MVB12B: variants seen among roughly 807,000 people sequenced by gnomAD.
The protein encoded by MVB12B is multivesicular body subunit 12B, also known as ESCRT-I complex subunit MVB12B.
A neutral mutation model predicts 41.6 loss-of-function variants in MVB12B; 16 were observed. The ratio of observed to expected loss-of-function variants is 0.38; its 90% confidence interval spans 0.26 to 0.58. The LOEUF (loss-of-function observed/expected upper bound fraction) is 0.58, where lower values mean the gene tolerates loss of function less well. Ranked by LOEUF, MVB12B falls within the 20% of genes least tolerant of loss-of-function variation. The pLI is 0.62. For missense variants in MVB12B, 274 were observed against 380.2 expected, an observed-to-expected ratio of 0.72 and a Z score of 2.32; for synonymous variants, 133 against 139.7, an observed-to-expected ratio of 0.95 and a Z score of 0.34.
Position 126,395,890 on chromosome 9 carries a change from T to C in MVB12B, c.662+193T>C. 2.1e-6 allele frequency: 3 copies of C among 1,406,100 alleles called. No individual in the cohort carries two copies. Among genetic ancestry groups the C allele is most frequent in the Non-Finnish European group, 1.8e-6 (2 of 1,083,332 alleles). 87.1% of individuals were successfully genotyped at this position (1,406,100 alleles called of 1,614,324 possible). A position where few individuals can be genotyped will look rare whatever the true frequency, so the allele number is the denominator to read the frequency against. On this transcript the variant is annotated intron_variant, in intron 6 of 9. Coordinates refer to ENST00000361171, the MANE Select transcript of MVB12B (RefSeq NM_033446.3). The surrounding 1 kb of genome is among the most constrained non-coding windows in gnomAD (Gnocchi z 4.9). ...TTGCATTACATGAATGCAAAGGCCA[T>C]TCTATAGTCTATTTTGTGCGTGTTC...
chr9:126,347,177 T>G (rs1829616239), intron 2 of MVB12B, among the ~76,000 whole-genome samples: 1 of 152,164 alleles, frequency 6.6e-6, no homozygotes, highest in African/African-American at 2.4e-5. Flanking sequence ...GCAGGGCCCT[T>G]GAGGGGGCAG....
intron 2 of MVB12B, among the ~76,000 whole-genome samples, chr9:126,373,753 T>C (rs1355030451): frequency 6.6e-6 from 1 of 152,234 alleles, no homozygotes; most frequent in Admixed American, 6.5e-5. Flanking sequence ...GCTTCTCAAG[T>C]TTAAATCCAG....
At chr9:126,347,866 C>G (rs947209643) in intron 2 of MVB12B, among the ~76,000 whole-genome samples, 1 of 152,196 alleles carries the variant, frequency 6.6e-6, no homozygotes. Context: ...TTCAGAAAGC[C>G]GAAGCTGTGG....
chr9:126,354,739 CAT>C (rs764406715), intron 2 of MVB12B, among the ~76,000 whole-genome samples: 1 of 152,064 alleles, frequency 6.6e-6, no homozygotes, highest in Non-Finnish European at 1.5e-5. Context: ...GGGAAGCAAA[CAT>C]AGTAATGTTA....
At chr9:126,451,951 C>T (rs148114659) in intron 7 of MVB12B, among the ~76,000 whole-genome samples, 60 of 152,250 alleles carry the variant, frequency 3.9e-4, no homozygotes, top group Middle Eastern at 3.4e-3. Context: ...CCTGGAATGC[C>T]GCGGGCTTGG....
rs1831095526 is a variant in MVB12B, at chr9:126,395,771, CTT to C, written c.662+75_662+76del. 1 of 1,581,728 alleles carries C rather than the reference CTT, an allele frequency of 6.3e-7. No individual in the cohort carries two copies. Among genetic ancestry groups the C allele is most frequent in the Admixed American group, 1.8e-5 (1 of 55,000 alleles). On this transcript the variant is annotated intron_variant, in intron 6 of 9. Coordinates refer to ENST00000361171, the MANE Select transcript of MVB12B (RefSeq NM_033446.3). This position sits in a 1 kb window ranked among gnomAD's most constrained non-coding sequence, Gnocchi z 4.9. ...TGCACAACATTTTAGAACACCACCA[CTT>C]AGTGTCTGCTGAAATACTGCAAAGT...
At chr9:126,495,152 A>C (rs1442870770) in intron 9 of MVB12B, among the ~76,000 whole-genome samples, 1 of 149,680 alleles carries the variant, frequency 6.7e-6, no homozygotes, top group Non-Finnish European at 1.5e-5. Flanking sequence ...AGATCGAGCC[A>C]CTGCACTCCA....
rs1408972232 is a variant in MVB12B, at chr9:126,392,897, G to C, written c.539+702G>C. Among the ~76,000 whole-genome samples the C allele has an allele frequency of 6.6e-6, 1 of 152,246 alleles. No homozygotes were observed. The highest frequency in any genetic ancestry group is 1.9e-4 in the East Asian group (1 of 5,198). On this transcript the variant is annotated intron_variant, in intron 5 of 9. Coordinates refer to ENST00000361171, the MANE Select transcript of MVB12B (RefSeq NM_033446.3). The surrounding 1 kb of genome is among the most constrained non-coding windows in gnomAD (Gnocchi z 4.8). ...CCAGGGACAATGTTGGGACAAGGGC[G>C]AGGGTTGGCAGGACCTCCTAGGACA...
In MVB12B at chr9:126,397,862, C is replaced by T. The variant is rs578158304; in HGVS notation, c.662+2165C>T. On this transcript the variant is annotated intron_variant, in intron 6 of 9. Transcript: ENST00000361171. ...TTGAGGCTTCAGGTCTCTACACTCT[C>T]CAGAGGAGGAATCTGATCACCTCCC... 7.2e-5 allele frequency among the ~76,000 whole-genome samples: 11 copies of T among 152,246 alleles called. No homozygotes were observed. The South Asian group carries it at 2.1e-3, about 29-fold the overall frequency.
chr9:126,347,987 A>G (rs996119807), intron 2 of MVB12B, among the ~76,000 whole-genome samples: 2 of 152,220 alleles, frequency 1.3e-5, no homozygotes, highest in African/African-American at 4.8e-5. Context: ...CTCTGCCTCC[A>G]TGAAGCCAAT....
chr9:126,439,917 C>T (rs1368974532), intron 7 of MVB12B, among the ~76,000 whole-genome samples: 1 of 152,152 alleles, frequency 6.6e-6, no homozygotes, highest in African/African-American at 2.4e-5. Context: ...ATCTTAAGTA[C>T]AGTCATTAAA....
At chr9:126,353,249 G>A (rs1829799551) in intron 2 of MVB12B, among the ~76,000 whole-genome samples, 1 of 152,190 alleles carries the variant, frequency 6.6e-6, no homozygotes, top group Non-Finnish European at 1.5e-5. Flanking sequence ...TCTTTGTAAA[G>A]TATTGTTTTG....
At chr9:126,413,245 C>T (rs1316113644) in intron 6 of MVB12B, among the ~76,000 whole-genome samples, 2 of 152,048 alleles carry the variant, frequency 1.3e-5, no homozygotes, top group East Asian at 3.9e-4. Flanking sequence ...TGTAATTGGC[C>T]CCATCAGCAT....
At chr9:126,384,428 T>A (rs1830714817) in intron 3 of MVB12B, among the ~76,000 whole-genome samples, 1 of 152,238 alleles carries the variant, frequency 6.6e-6, no homozygotes. Flanking sequence ...ATTTGTGTAC[T>A]TTTGGTTCAT....
intron 2 of MVB12B, among the ~76,000 whole-genome samples, chr9:126,345,899 C>T (rs1276353747): frequency 6.6e-6 from 1 of 152,200 alleles, no homozygotes; most frequent in Non-Finnish European, 1.5e-5. Flanking sequence ...GACCATTACT[C>T]ATTCATTTAT....
chr9:126,384,664 G>A (rs1830723444), intron 3 of MVB12B, among the ~76,000 whole-genome samples: 1 of 151,910 alleles, frequency 6.6e-6, no homozygotes, highest in African/African-American at 2.4e-5. Context: ...AAGTAGCTGG[G>A]ACTACAAGCG....
chr9:126,461,748 A>AGCCTGGGCGTGGAGGTGGGC (rs1833095109), intron 7 of MVB12B, among the ~76,000 whole-genome samples: 1 of 148,624 alleles, frequency 6.7e-6, no homozygotes, highest in Non-Finnish European at 1.5e-5. Flanking sequence ...TGGAGGTGGG[A>AGCCTGGGCGTGGAGGTGGGC]GCCTGGGCGT....
At chr9:126,454,208 T>C (rs1588185734) in intron 7 of MVB12B, among the ~76,000 whole-genome samples, 1 of 152,176 alleles carries the variant, frequency 6.6e-6, no homozygotes, top group Non-Finnish European at 1.5e-5. Context: ...GTTTTACACA[T>C]GTGTGAAAGG....
chr9:126,502,905 C>A (rs1833988814), intron 9 of MVB12B, among the ~76,000 whole-genome samples: 1 of 152,202 alleles, frequency 6.6e-6, no homozygotes. Flanking sequence ...GGCCTGGCCT[C>A]ACAGGGAGCA....
Sources: allele counts gnomAD v4.1 joint callset (sites outside exome capture counted in the v4.1 genomes callset), GRCh38; gene constraint gnomAD v4.1.1; non-coding constraint Gnocchi (gnomAD v3.1); transcripts MANE v1.5; gene names NCBI Gene and HGNC (gene_info 2026-07-23, HGNC 2026-07-21).